Variants in ANK1 observed in about 807,000 individuals in gnomAD.
ANK1 encodes ankyrin-1.
ANK1 carries 51 observed loss-of-function variants against 210.4 expected under a neutral mutation model. The observed-to-expected ratio is 0.24, with a 90% CI of 0.19 to 0.31. The LOEUF (loss-of-function observed/expected upper bound fraction) is 0.31, where lower values mean the gene tolerates loss of function less well. ANK1 is among the 10% of genes least tolerant of loss of function. ANK1 has a pLI of 1.00. For synonymous variants in ANK1, 967 were observed against 1,025.9 expected (o/e 0.94, Z 1.10); for missense variants, 2,051 against 2,504.4 (o/e 0.82, Z 3.86).
At chr8:41,703,446 A>ATTTTTTTTTT (rs1465782716) in intron 20 of ANK1, among the ~76,000 whole-genome samples, 1 of 61,580 alleles carries the variant, frequency 1.6e-5, no homozygotes, top group Admixed American at 2.1e-4. Context: ...ATATATATAT[A>ATTTTTTTTTT]TATATTTTTT....
chr8:41,827,863 TCA>T (rs1212839365), intron 1 of ANK1, among the ~76,000 whole-genome samples: 3 of 119,360 alleles, frequency 2.5e-5, no homozygotes, highest in African/African-American at 6.6e-5. Context: ...ATACACCCAC[TCA>T]CACACCCCAC....
rs1052063727 is a variant in ANK1, at chr8:41,692,759, A to T, written c.3747T>A (p.Asn1249Lys). The T allele has an allele frequency of 6.2e-7, 1 of 1,613,930 alleles. No homozygotes were observed. ...MAKFVIFAKM[N>K]DPREGRLRCY... ...AGCGCAGGCGCCCCTCTCGGGGGTC[A>T]TTCATCTTGGCAAAGATGACGAATT... The change falls in exon 31 of 43, where the codon AAT (asparagine) becomes AAA (lysine). Residue 1249 changes from asparagine to lysine, a missense_variant. Asn to Lys is a moderately conservative substitution (Grantham distance 94, BLOSUM62 0). This residue lies in a region of ANK1 where 1,413 missense variants were observed against 1,707.4 expected (regional missense o/e 0.83). Coordinates refer to ENST00000289734, the MANE Select transcript of ANK1 (RefSeq NM_000037.4).
chr8:41,833,236 G>A (rs903188313), intron 1 of ANK1, among the ~76,000 whole-genome samples: 1 of 152,170 alleles, frequency 6.6e-6, no homozygotes, highest in African/African-American at 2.4e-5. Flanking sequence ...GAGACCCCTA[G>A]ATAGACTCTG....
intron 2 of ANK1, among the ~76,000 whole-genome samples, chr8:41,749,923 T>C (rs1374369560): frequency 1.3e-5 from 2 of 152,260 alleles, no homozygotes; most frequent in South Asian, 4.1e-4. Flanking sequence ...CATCTTGGAC[T>C]TCTTAAGCCC....
chr8:41,797,398 C>G lies in ANK1; in HGVS notation c.27+114G>C, dbSNP rs543760821. ...CTAAGGCAGGGAGCCCACGGGGAGG[C>G]GAGGCGGGTGGGGTGTGCAAAGCTG... On this transcript the variant is annotated intron_variant, in intron 1 of 42. Transcript: ENST00000289734. This position sits in a 1 kb window ranked among gnomAD's most constrained non-coding sequence, Gnocchi z 4.0. 7.5e-6 allele frequency: 7 copies of G among 938,342 alleles called. 1 individual carries two copies. The East Asian group carries it at 1.9e-4, about 25-fold the overall frequency. 58.1% of individuals were successfully genotyped at this position (938,342 alleles called of 1,614,324 possible).
At chr8:41,697,701 A>G in intron 24 of ANK1, 1 of 391,782 alleles carries the variant, frequency 2.6e-6, no homozygotes, top group Non-Finnish European at 4.9e-6. Flanking sequence ...GGAATCCAGT[A>G]AACATCTGCT....
At position 41,694,538 on chromosome 8, in the gene ANK1, G is replaced by C; in HGVS notation, c.3327+54C>G. On this transcript the variant is annotated intron_variant, in intron 28 of 42. Coordinates refer to ENST00000289734, the MANE Select transcript of ANK1 (RefSeq NM_000037.4). This position sits in a 1 kb window ranked among gnomAD's most constrained non-coding sequence, Gnocchi z 5.7. ...TCCTGGGGAAGAGGGTGGCCTTCCC[G>C]GAGGCCTGGAGTTCAGTCCACCCCC... is the stretch of plus-strand genomic sequence containing the variant. The C allele has an allele frequency of 6.4e-7, 1 of 1,551,404 alleles. No homozygotes were observed. The highest frequency in any genetic ancestry group is 1.1e-5 in the South Asian group (1 of 87,098).
At chr8:41,855,787 G>C (rs116738376) in intron 1 of ANK1, among the ~76,000 whole-genome samples, 178 of 152,128 alleles carry the variant, frequency 1.2e-3, no homozygotes, top group African/African-American at 4.1e-3. Context: ...TTAACCCAAG[G>C]GGGTAGGACT....
intron 2 of ANK1, among the ~76,000 whole-genome samples, chr8:41,748,970 G>T (rs548348653): frequency 1.3e-5 from 2 of 151,972 alleles, no homozygotes; most frequent in Non-Finnish European, 1.5e-5. Context: ...GGGAGGCGGA[G>T]CTTGCAGTGA....
At chr8:41,783,071 A>T (rs576013711) in intron 1 of ANK1, among the ~76,000 whole-genome samples, 8 of 152,338 alleles carry the variant, frequency 5.3e-5, no homozygotes, top group Non-Finnish European at 8.8e-5. Flanking sequence ...AGGAGGAAGA[A>T]ATTAGACGAC....
At chr8:41,775,394 G>C (rs1358645647) in intron 1 of ANK1, among the ~76,000 whole-genome samples, 1 of 152,164 alleles carries the variant, frequency 6.6e-6, no homozygotes, top group Non-Finnish European at 1.5e-5. Flanking sequence ...TTTGGGGTCT[G>C]TGCCCCTGGA....
At position 41,723,519 on chromosome 8, in the gene ANK1, A is replaced by G; in HGVS notation, c.810+16T>C. 1 of 1,613,764 alleles carries G rather than the reference A, an allele frequency of 6.2e-7. No individual in the cohort carries two copies. On this transcript the variant is annotated intron_variant, in intron 8 of 42. Coordinates refer to ENST00000289734, the MANE Select transcript of ANK1 (RefSeq NM_000037.4). Reference sequence around the variant, plus strand: ...CTCCCTCCCCCTGCCTGGCTACAGCACCTGCTGGCACCCACCTTGGTCTTG... The same window carrying G: ...CTCCCTCCCCCTGCCTGGCTACAGCGCCTGCTGGCACCCACCTTGGTCTTG...
chr8:41,893,651 A>G (rs922280031), intron 1 of ANK1, among the ~76,000 whole-genome samples: 10 of 152,144 alleles, frequency 6.6e-5, no homozygotes, highest in African/African-American at 2.4e-4. Flanking sequence ...CGGGACAAAC[A>G]CCTTTCCTTT....
intron 1 of ANK1, among the ~76,000 whole-genome samples, chr8:41,845,751 G>C (rs1340253841): frequency 6.6e-6 from 1 of 152,086 alleles, no homozygotes; most frequent in Non-Finnish European, 1.5e-5. Flanking sequence ...AAAGCAAATG[G>C]GAATGTGTTT....
chr8:41,797,656 G>A (rs1195607263), upstream of ANK1: 14 of 1,476,438 alleles, frequency 9.5e-6, no homozygotes, highest in Non-Finnish European at 1.3e-5. The surrounding 1 kb of genome is among the most constrained non-coding windows in gnomAD (Gnocchi z 4.0). Flanking sequence ...AGGCCCCCGA[G>A]GGCCTTATCG....
chr8:41,759,500 G>A (rs1486756214), intron 1 of ANK1, among the ~76,000 whole-genome samples: 9 of 121,088 alleles, frequency 7.4e-5, no homozygotes, highest in African/African-American at 1.8e-4. Flanking sequence ...GCAAGACTCC[G>A]TCTCAAAAAC....
rs977379687 is a variant in ANK1, at chr8:41,790,837, G to A, written c.27+6675C>T. Among the ~76,000 whole-genome samples, 11 of 152,162 alleles carry A rather than the reference G, an allele frequency of 7.2e-5. No individual in the cohort carries two copies. In the East Asian group the frequency reaches 1.3e-3, roughly 19 times the overall value. ...AGACATTCTGGCATCTTCAAATCAC[G>A]CCGTGTAGACAGAACATTAGCCAGT... On this transcript the variant is annotated intron_variant, in intron 1 of 42. Transcript: ENST00000289734.
In ANK1 at chr8:41,662,425, C is replaced by T. The variant is rs144365956; in HGVS notation, c.5479-484G>A. 1.9e-3 allele frequency among the ~76,000 whole-genome samples: 288 copies of T among 152,336 alleles called. 1 individual carries two copies. The highest frequency in any genetic ancestry group is 3.1e-3 in the Non-Finnish European group (214 of 68,026). On this transcript the variant is annotated intron_variant, in intron 40 of 42. Coordinates refer to ENST00000289734, the MANE Select transcript of ANK1 (RefSeq NM_000037.4). ...CCATTGCTTAATGGAAAACCCTCTG[C>T]TAGACAGCCCTGAAGGGGCCTTGGC...
intron 1 of ANK1, among the ~76,000 whole-genome samples, chr8:41,825,467 C>T (rs917432815): frequency 6.6e-6 from 1 of 152,200 alleles, no homozygotes; most frequent in Admixed American, 6.5e-5. Flanking sequence ...AGTCAGAAGT[C>T]GTTTTGGCCA....
Sources: allele counts gnomAD v4.1 joint callset (sites outside exome capture counted in the v4.1 genomes callset), GRCh38; gene constraint gnomAD v4.1.1; regional missense constraint gnomAD v4.1.1; non-coding constraint Gnocchi (gnomAD v3.1); transcripts MANE v1.5; gene names NCBI Gene and HGNC (gene_info 2026-07-23, HGNC 2026-07-21).